PLA2G4A: variants seen among roughly 807,000 people sequenced by gnomAD.
PLA2G4A encodes cytosolic phospholipase A2.
PLA2G4A carries 40 observed loss-of-function variants against 81.9 expected under a neutral mutation model. The observed-to-expected ratio is 0.49, with a 90% CI of 0.38 to 0.64. PLA2G4A has a LOEUF of 0.64. Ranked by LOEUF, PLA2G4A falls within the 30% of genes least tolerant of loss-of-function variation. The probability of loss-of-function intolerance (pLI) is 0.00; values close to 1 mark genes in which losing one functional copy is unlikely to be tolerated. For synonymous variants in PLA2G4A, 302 were observed against 296.9 expected, an observed-to-expected ratio of 1.02 and a Z score of -0.18; for missense variants, 715 against 905.1, an observed-to-expected ratio of 0.79 and a Z score of 2.69.
intron 7 of PLA2G4A, among the ~76,000 whole-genome samples, chr1:186,930,781 A>T (rs996904704): frequency 6.6e-6 from 1 of 151,960 alleles, no homozygotes; most frequent in Admixed American, 6.6e-5. Context: ...TCGTAATCCT[A>T]TTTTCCCAAC....
intron 8 of PLA2G4A, among the ~76,000 whole-genome samples, chr1:186,937,723 A>G (rs1451116851): frequency 2.3e-5 from 2 of 85,446 alleles, no homozygotes; most frequent in Non-Finnish European, 4.9e-5. Context: ...AGTCTTGTAT[A>G]ATAGACTAAA....
chr1:186,936,426 T>C (rs1655947569), intron 8 of PLA2G4A, among the ~76,000 whole-genome samples: 1 of 151,954 alleles, frequency 6.6e-6, no homozygotes, highest in South Asian at 2.1e-4. Flanking sequence ...CCTTAGGTCA[T>C]AGTTGCTTAA....
chr1:186,873,533 T>G (rs1209089895), intron 3 of PLA2G4A, among the ~76,000 whole-genome samples: 1 of 152,076 alleles, frequency 6.6e-6, no homozygotes, highest in Non-Finnish European at 1.5e-5. Context: ...GCCTTGCTTG[T>G]GTGTCTGAGT....
At chr1:186,889,609 T>C (rs1371653854) in intron 3 of PLA2G4A, among the ~76,000 whole-genome samples, 6 of 152,246 alleles carry the variant, frequency 3.9e-5, no homozygotes, top group Admixed American at 3.3e-4. Context: ...GGAGCAATAC[T>C]GAACAATTAA....
At chr1:186,870,789 G>T (rs779093259) in intron 3 of PLA2G4A, 1 of 1,317,036 alleles carries the variant, frequency 7.6e-7, no homozygotes, top group Admixed American at 2.0e-5. Context: ...TATAATTATG[G>T]TTCAGCCTTT....
At chr1:186,879,029 A>T (rs1260819970) in intron 3 of PLA2G4A, among the ~76,000 whole-genome samples, 1 of 151,908 alleles carries the variant, frequency 6.6e-6, no homozygotes, top group African/African-American at 2.4e-5. Flanking sequence ...TTAATATTAT[A>T]AAATCTTTCT....
intron 3 of PLA2G4A, among the ~76,000 whole-genome samples, chr1:186,872,885 T>A (rs1477049001): frequency 6.6e-6 from 1 of 152,128 alleles, no homozygotes; most frequent in East Asian, 1.9e-4. Flanking sequence ...AGCTTCCTTT[T>A]TAAAGTGAAG....
chr1:186,898,969 G>A (rs1654444615), intron 5 of PLA2G4A, among the ~76,000 whole-genome samples: 1 of 152,042 alleles, frequency 6.6e-6, no homozygotes, highest in Admixed American at 6.6e-5. Flanking sequence ...CACTCTTTAG[G>A]CACTGCCTAT....
intron 3 of PLA2G4A, among the ~76,000 whole-genome samples, chr1:186,887,020 G>A (rs1038231512): frequency 6.6e-6 from 1 of 152,084 alleles, no homozygotes; most frequent in African/African-American, 2.4e-5. Flanking sequence ...AGGTGCTAAG[G>A]TTCTGCATTT....
intron 14 of PLA2G4A, among the ~76,000 whole-genome samples, chr1:186,962,665 C>A (rs945374196): frequency 6.6e-6 from 1 of 152,044 alleles, no homozygotes; most frequent in Non-Finnish European, 1.5e-5. Context: ...GGACTACAGG[C>A]GCCCGCCACC....
chr1:186,983,622 T>G (rs1485755518), intron 17 of PLA2G4A, among the ~76,000 whole-genome samples: 1 of 152,244 alleles, frequency 6.6e-6, no homozygotes, highest in East Asian at 1.9e-4. Context: ...AGGTTTCTGC[T>G]CTTACTCAAT....
At chr1:186,839,920 G>T (rs1185579109) in intron 1 of PLA2G4A, among the ~76,000 whole-genome samples, 2 of 149,414 alleles carry the variant, frequency 1.3e-5, no homozygotes, top group South Asian at 2.1e-4. Context: ...TATTTAAAGG[G>T]TCTGCAGACT....
chr1:186,919,949 G>A (rs902656689), intron 7 of PLA2G4A, among the ~76,000 whole-genome samples: 1 of 152,112 alleles, frequency 6.6e-6, no homozygotes, highest in African/African-American at 2.4e-5. Flanking sequence ...AAGCACCTGC[G>A]ATGAACCTGG....
chr1:186,909,660 C>CAA lies in PLA2G4A; in HGVS notation c.417-1568_417-1567dup, dbSNP rs377504921. On this transcript the variant is annotated intron_variant, in intron 6 of 17. Transcript: ENST00000367466. ...GGGCAACAGGAGCGAAACTCCGTCT[C>CAA]AAAAAAAAAAAAAAAAAAAAAGTTA... is the stretch of plus-strand genomic sequence containing the variant. Among the ~76,000 whole-genome samples, 762 of 112,784 alleles carry CAA rather than the reference C, an allele frequency of 6.8e-3. 9 individuals are homozygous for CAA. Among genetic ancestry groups the CAA allele is most frequent in the South Asian group, 0.024 (79 of 3,308 alleles). The allele number at this position is 112,784 out of a possible 152,430, so 74.0% of individuals were successfully genotyped here.
chr1:186,856,535 G>C (rs1652560338), intron 2 of PLA2G4A, among the ~76,000 whole-genome samples: 1 of 151,754 alleles, frequency 6.6e-6, no homozygotes, highest in Non-Finnish European at 1.5e-5. Flanking sequence ...GATTATAGGC[G>C]TCCACTACCA....
chr1:186,830,988 T>TTC (rs1159871137), intron 1 of PLA2G4A, among the ~76,000 whole-genome samples: 2 of 140,326 alleles, frequency 1.4e-5, no homozygotes, highest in African/African-American at 2.5e-5. Context: ...CTTTCTTTCT[T>TTC]TCTTTCTTTC....
intron 3 of PLA2G4A, among the ~76,000 whole-genome samples, chr1:186,872,770 C>T (rs1346424066): frequency 6.6e-6 from 1 of 152,028 alleles, no homozygotes; most frequent in Non-Finnish European, 1.5e-5. Context: ...GATAATATTA[C>T]TAGAAGAATG....
At chr1:186,958,848 G>T (rs574645243) in intron 14 of PLA2G4A, among the ~76,000 whole-genome samples, 4 of 152,256 alleles carry the variant, frequency 2.6e-5, no homozygotes, top group African/African-American at 7.2e-5. Flanking sequence ...ATTTGGTGGT[G>T]TTGGGGTTAC....
chr1:186,852,832 A>T (rs948625647), intron 1 of PLA2G4A, among the ~76,000 whole-genome samples: 2 of 151,990 alleles, frequency 1.3e-5, no homozygotes, highest in Non-Finnish European at 2.9e-5. Context: ...TTATCAGGAA[A>T]CTTTTCTATT....
Sources: gnomAD v4.1 joint callset for allele counts (sites outside exome capture counted in the v4.1 genomes callset) on GRCh38, gnomAD v4.1.1 for gene constraint, MANE v1.5 for transcripts, NCBI Gene and HGNC (gene_info 2026-07-23, HGNC 2026-07-21) for gene names.